Variants in CGNL1 observed in about 807,000 individuals in gnomAD.
CGNL1 encodes the protein cingulin like 1.
Under a neutral mutation model 141.2 loss-of-function variants are expected in CGNL1, and 132 were observed. The observed-to-expected ratio is 0.93, with a 90% CI of 0.81 to 1.08. The LOEUF (loss-of-function observed/expected upper bound fraction) is 1.08. CGNL1 is among the 50% of genes least tolerant of loss of function. The probability of loss-of-function intolerance (pLI) is 0.00; values close to 1 mark genes in which losing one functional copy is unlikely to be tolerated. For synonymous variants in CGNL1, 690 were observed against 622.1 expected (o/e 1.11, Z -1.63); for missense variants, 1,870 against 1,588.6 (o/e 1.18, Z -3.01).
At chr15:57,379,677 A>G (rs144078987) in intron 1 of CGNL1, among the ~76,000 whole-genome samples, 50 of 152,296 alleles carry the variant, frequency 3.3e-4, no homozygotes, top group Middle Eastern at 3.4e-3. Flanking sequence ...AGAGGTTGGC[A>G]TCAGAGCAGG....
chr15:57,529,946 G>C (rs551418220), intron 13 of CGNL1, among the ~76,000 whole-genome samples: 154 of 152,316 alleles, frequency 1.0e-3, no homozygotes, highest in Middle Eastern at 3.4e-3. Flanking sequence ...TTGTTGGACT[G>C]CTGTACATTT....
intron 8 of CGNL1, among the ~76,000 whole-genome samples, chr15:57,505,387 G>A (rs2064087726): frequency 6.6e-6 from 1 of 152,194 alleles, no homozygotes; most frequent in South Asian, 2.1e-4. Context: ...AAACCTCACA[G>A]TGGTCAGGTG....
At chr15:57,524,429 C>T (rs952754987) in intron 11 of CGNL1, 152 bp from the exon 12 acceptor site, 10 of 721,256 alleles carry the variant, frequency 1.4e-5, no homozygotes, top group African/African-American at 5.3e-5. Flanking sequence ...CAGGTGCCCA[C>T]ACCTGGCTGA....
chr15:57,418,542 G>A (rs1179126302), intron 1 of CGNL1, among the ~76,000 whole-genome samples: 2 of 152,128 alleles, frequency 1.3e-5, no homozygotes, highest in East Asian at 1.9e-4. Context: ...TCTGTAAGAT[G>A]GCAGTTTGCT....
chr15:57,523,678 G>C, intron 11 of CGNL1, 37 bp downstream of exon 11: 2 of 1,609,632 alleles, frequency 1.2e-6, no homozygotes, highest in Non-Finnish European at 1.7e-6. Flanking sequence ...AGTAGGGCCA[G>C]ATGTCTTTGT....
rs145452606 is a variant in CGNL1, at chr15:57,438,525, A to C, written c.526A>C (p.Lys176Gln). 2 of 1,613,992 alleles carry C rather than the reference A, an allele frequency of 1.2e-6. No individual in the cohort carries two copies. The highest frequency in any genetic ancestry group is 1.7e-6 in the Non-Finnish European group (2 of 1,180,042). The change falls in exon 2 of 19, where the codon AAA becomes CAA. Residue 176 changes from lysine (K) to glutamine (Q), a missense_variant. Physicochemically the swap from Lys to Gln is moderately conservative, Grantham distance 53. Transcript: ENST00000281282. ...CCAGCCTTCTGAGAGTAATTGGCTA[A>C]AAACGTTGACAGAAGAAGGCATCAA... is the stretch of plus-strand genomic sequence containing the variant. The part of the protein sequence containing the change: ...NHQPSESNWL[K>Q]TLTEEGINNK...
chr15:57,473,437 C>A (rs1320291723), intron 8 of CGNL1, among the ~76,000 whole-genome samples: 1 of 152,170 alleles, frequency 6.6e-6, no homozygotes, highest in South Asian at 2.1e-4. Context: ...CCTACAGTGG[C>A]AAAGTTAATC....
chr15:57,465,019 TG>T (rs1280712262), intron 8 of CGNL1, among the ~76,000 whole-genome samples: 1 of 152,130 alleles, frequency 6.6e-6, no homozygotes, highest in East Asian at 1.9e-4. Context: ...CCCAAAGTGC[TG>T]GGATTACAGA....
At chr15:57,510,230 C>A (rs1222235382) in intron 8 of CGNL1, among the ~76,000 whole-genome samples, 3 of 152,114 alleles carry the variant, frequency 2.0e-5, no homozygotes, top group African/African-American at 7.2e-5. Context: ...AGGGCTATGA[C>A]GAGAGCTGTA....
chr15:57,448,808 T>G (rs370285824), intron 4 of CGNL1, among the ~76,000 whole-genome samples: 1 of 152,218 alleles, frequency 6.6e-6, no homozygotes, highest in South Asian at 2.1e-4. Context: ...TTCCTACTTC[T>G]TTGCATGTCT....
intron 1 of CGNL1, among the ~76,000 whole-genome samples, chr15:57,398,096 T>G (rs573450363): frequency 1.3e-5 from 2 of 152,326 alleles, no homozygotes; most frequent in East Asian, 3.9e-4. Context: ...TAAATTTCAA[T>G]CTTTCTTTCA....
intron 1 of CGNL1, among the ~76,000 whole-genome samples, chr15:57,412,037 G>T (rs778255387): frequency 6.6e-6 from 1 of 152,186 alleles, no homozygotes; most frequent in East Asian, 1.9e-4. Flanking sequence ...TGTGACATTC[G>T]CAGGTTTCCT....
intron 4 of CGNL1, among the ~76,000 whole-genome samples, chr15:57,443,686 C>T (rs555334758): frequency 6.6e-6 from 1 of 152,346 alleles, no homozygotes; most frequent in South Asian, 2.1e-4. Flanking sequence ...TTGCGTATTA[C>T]ACCATAGTCC....
intron 18 of CGNL1, among the ~76,000 whole-genome samples, chr15:57,546,675 GCTGT>G (rs1169066906): frequency 6.6e-6 from 1 of 152,202 alleles, no homozygotes; most frequent in Non-Finnish European, 1.5e-5. Context: ...GCTCTCTGAA[GCTGT>G]CTGCCGTGGT....
At chr15:57,437,693 T>C (rs964469896) in intron 1 of CGNL1, among the ~76,000 whole-genome samples, 6 of 103,400 alleles carry the variant, frequency 5.8e-5, no homozygotes. Context: ...GTCAGAATAA[T>C]GAAGCTACGC....
intron 1 of CGNL1, among the ~76,000 whole-genome samples, chr15:57,387,556 G>GCA (rs1267253578): frequency 6.6e-6 from 1 of 152,188 alleles, no homozygotes; most frequent in East Asian, 1.9e-4. Context: ...AGCAGCAGGA[G>GCA]CACACATAGG....
At chr15:57,490,096 A>G (rs1210863309) in intron 8 of CGNL1, among the ~76,000 whole-genome samples, 2 of 152,176 alleles carry the variant, frequency 1.3e-5, no homozygotes, top group Non-Finnish European at 2.9e-5. Flanking sequence ...TTACACATGG[A>G]CAACAGTAGT....
chr15:57,526,547 G>A (rs2031628056), intron 12 of CGNL1, among the ~76,000 whole-genome samples: 1 of 152,048 alleles, frequency 6.6e-6, no homozygotes, highest in Non-Finnish European at 1.5e-5. Context: ...TTTGCTTTGA[G>A]AGAAATAGGC....
At chr15:57,499,961 G>A (rs548548447) in intron 8 of CGNL1, among the ~76,000 whole-genome samples, 38 of 152,244 alleles carry the variant, frequency 2.5e-4, no homozygotes, top group Admixed American at 2.5e-3. Flanking sequence ...GTCGTTCTGG[G>A]CTCTGAGCTG....
Sources: allele counts gnomAD v4.1 joint callset (sites outside exome capture counted in the v4.1 genomes callset), GRCh38; gene constraint gnomAD v4.1.1; transcripts MANE v1.5; gene names NCBI Gene and HGNC (gene_info 2026-07-23, HGNC 2026-07-21).